Variants in GRIN2B observed in about 807,000 individuals in gnomAD.
The protein encoded by GRIN2B is glutamate ionotropic receptor NMDA type subunit 2B.
Under a neutral mutation model 114.5 loss-of-function variants are expected in GRIN2B, and 5 were observed. The ratio of observed to expected loss-of-function variants is 0.04; its 90% CI spans 0.02 to 0.09. GRIN2B has a LOEUF of 0.09. Among genes scored for constraint, GRIN2B ranks in the 10% least tolerant of loss-of-function variants. GRIN2B has a pLI of 1.00. For synonymous variants in GRIN2B, 787 were observed against 745.1 expected, an observed-to-expected ratio of 1.06 and a Z score of -0.92; for missense variants, 1,108 against 1,943.5, an observed-to-expected ratio of 0.57 and a Z score of 8.08.
intron 2 of GRIN2B, among the ~76,000 whole-genome samples, chr12:13,893,583 C>T (rs1591607145): frequency 1.3e-5 from 2 of 151,962 alleles, no homozygotes; most frequent in South Asian, 4.2e-4. Flanking sequence ...GACTTGAGAC[C>T]CCACAGTGAC....
rs7301328 is a variant in GRIN2B at position 13,865,843 on chromosome 12, G to C, written c.366C>G (p.Pro122=). The change falls in exon 3 of 14, where the codon CCC becomes CCG. Residue 122 remains proline (P), a synonymous_variant. Transcript: ENST00000609686. ...AGGAGCCCCCGTGGATGCCCAGGAT[G>C]GGGGTGAGAGTCTGTGCTGAAATGA... ...LDFISAQTLT[P]ILGIHGGSSM... The C allele has an allele frequency of 0.41, 660,033 of 1,612,878 alleles. 136,826 individuals are homozygous for C. The highest frequency in any genetic ancestry group is 0.49 in the South Asian group (45,039 of 91,022).
chr12:13,677,613 A>G (rs746725158), intron 4 of GRIN2B, among the ~76,000 whole-genome samples: 36 of 152,140 alleles, frequency 2.4e-4, no homozygotes, highest in Non-Finnish European at 4.4e-4. Flanking sequence ...CTTCCCTTCT[A>G]TATCATAATA....
chr12:13,742,383 T>C (rs1028570971), intron 4 of GRIN2B, among the ~76,000 whole-genome samples: 3 of 152,228 alleles, frequency 2.0e-5, no homozygotes, highest in African/African-American at 7.2e-5. Context: ...TATCTCAAAG[T>C]TGTCTACCAA....
At chr12:13,713,317 A>G (rs1005055169) in intron 4 of GRIN2B, among the ~76,000 whole-genome samples, 47 of 151,794 alleles carry the variant, frequency 3.1e-4, no homozygotes, top group African/African-American at 9.9e-4. Context: ...CTCCATTCCT[A>G]TTAGCCCTAA....
chr12:13,888,146 A>G (rs1264550577), intron 2 of GRIN2B, among the ~76,000 whole-genome samples: 1 of 152,206 alleles, frequency 6.6e-6, no homozygotes, highest in Non-Finnish European at 1.5e-5. Flanking sequence ...ACCCAAAAAA[A>G]TCAATATACG....
In GRIN2B at chr12:13,547,959, G is replaced by GTATATA. The variant is rs1555098068; in HGVS notation, c.*14818_*14823dup. The GTATATA allele has an allele frequency of 2.6e-3, 241 of 91,458 alleles. 4 individuals are homozygous for GTATATA. The highest frequency in any genetic ancestry group is 8.4e-3 in the African/African-American group (221 of 26,248). 5.7% of individuals were successfully genotyped at this position (91,458 alleles called of 1,614,324 possible). On this transcript the variant is annotated 3_prime_UTR_variant, in exon 14 of 14. Transcript: ENST00000609686. The stretch of plus-strand genomic sequence containing the variant: ...TATGTATGTATGTATGTATGTGTGT[G>GTATATA]TATATATATATATATATATATATTT...
intron 3 of GRIN2B, among the ~76,000 whole-genome samples, chr12:13,847,559 T>A (rs987130265): frequency 6.6e-6 from 1 of 152,038 alleles, no homozygotes; most frequent in South Asian, 2.1e-4. Flanking sequence ...AGCACGATGA[T>A]GGCTGCGTGT....
intron 2 of GRIN2B, among the ~76,000 whole-genome samples, chr12:13,962,695 A>G (rs1263509345): frequency 6.6e-6 from 1 of 152,162 alleles, no homozygotes; most frequent in Non-Finnish European, 1.5e-5. Context: ...CGTAACACCC[A>G]AGCAAGCCTT....
chr12:13,901,115 C>T (rs958894006), intron 2 of GRIN2B, among the ~76,000 whole-genome samples: 1 of 152,088 alleles, frequency 6.6e-6, no homozygotes, highest in African/African-American at 2.4e-5. Flanking sequence ...AGAAGTATTC[C>T]TCTTCTACAT....
chr12:13,738,732 TA>T lies in GRIN2B; in HGVS notation c.1010+14584del, dbSNP rs368006101. On this transcript the variant is annotated intron_variant, in intron 4 of 13. Coordinates refer to ENST00000609686, the MANE Select transcript of GRIN2B (RefSeq NM_000834.5). ...TTTTACCCTATTCTGATAACCGAGG[TA>T]AAAAAAAAATGACAGGAGACTGGAG... Among the ~76,000 whole-genome samples, 166 of 148,986 alleles carry T rather than the reference TA, an allele frequency of 1.1e-3. 2 individuals are homozygous for T. The East Asian group carries it at 0.024, about 22-fold the overall frequency.
In GRIN2B at chr12:13,554,539, C is replaced by A. The variant is rs891285604; in HGVS notation, c.*8244G>T. On this transcript the variant is annotated 3_prime_UTR_variant, in exon 14 of 14. Coordinates refer to ENST00000609686, the MANE Select transcript of GRIN2B (RefSeq NM_000834.5). The stretch of plus-strand genomic sequence containing the variant: ...TATTCAGCTTGTCTGGATTATGGGA[C>A]ACACACATAGTCAAGTAACAAGAAA... 2 of 152,106 alleles carry A rather than the reference C, an allele frequency of 1.3e-5. No homozygotes were observed. Among genetic ancestry groups the A allele is most frequent in the African/African-American group, 2.4e-5 (1 of 41,418 alleles). 9.4% of individuals were successfully genotyped at this position (152,106 alleles called of 1,614,324 possible).
In GRIN2B at chr12:13,559,990, G is replaced by A. The variant is rs1948521787; in HGVS notation, c.*2793C>T. On this transcript the variant is annotated 3_prime_UTR_variant, in exon 14 of 14. Transcript: ENST00000609686. ...CTTTCCTACCCTAGGTACTGACAGAGGAAATATGGTGCCACCAGCCTGTCT... is the reference window on the plus strand; with the variant it reads ...CTTTCCTACCCTAGGTACTGACAGAAGAAATATGGTGCCACCAGCCTGTCT... 1 of 152,168 alleles carries A rather than the reference G, an allele frequency of 6.6e-6. No homozygotes were observed. Among genetic ancestry groups the A allele is most frequent in the Non-Finnish European group, 1.5e-5 (1 of 68,034 alleles). The allele number at this position is 152,168 out of a possible 1,614,324, so 9.4% of individuals were successfully genotyped here. A position where few individuals can be genotyped will look rare whatever the true frequency, so the allele number is the denominator to read the frequency against.
At chr12:13,890,420 A>C (rs897958408) in intron 2 of GRIN2B, among the ~76,000 whole-genome samples, 1 of 152,256 alleles carries the variant, frequency 6.6e-6, no homozygotes, top group East Asian at 1.9e-4. Context: ...TGCAGAGCCT[A>C]AACAGCATCT....
chr12:13,888,586 T>C (rs1866205067), intron 2 of GRIN2B, among the ~76,000 whole-genome samples: 1 of 151,432 alleles, frequency 6.6e-6, no homozygotes, highest in South Asian at 2.1e-4. Flanking sequence ...ATACAAAAAT[T>C]AGCCGGGTGT....
At chr12:13,901,891 CTG>C (rs1437340747) in intron 2 of GRIN2B, among the ~76,000 whole-genome samples, 2 of 151,954 alleles carry the variant, frequency 1.3e-5, no homozygotes, top group African/African-American at 4.8e-5. Context: ...TTTGTATATG[CTG>C]TGAGGTGAGA....
intron 3 of GRIN2B, among the ~76,000 whole-genome samples, chr12:13,818,840 C>A (rs1864878128): frequency 6.6e-6 from 1 of 152,140 alleles, no homozygotes. Context: ...GCAGACAAAT[C>A]ATCATACAGG....
At position 13,538,979 on chromosome 12, in the gene GRIN2B, G is replaced by A. The variant is rs1006524108; in HGVS notation, c.*23804C>T. 1 of 151,370 alleles carries A rather than the reference G, an allele frequency of 6.6e-6. No individual in the cohort carries two copies. Among genetic ancestry groups the A allele is most frequent in the African/African-American group, 2.4e-5 (1 of 41,098 alleles). The allele number at this position is 151,370 out of a possible 1,614,324, so 9.4% of individuals were successfully genotyped here. Reference sequence around the variant, plus strand: ...AGATTATTGTTAAAGCAGTTCTGTTGTCCAAAAAAAATTTGGGGTTTAAGG... The same window carrying A: ...AGATTATTGTTAAAGCAGTTCTGTTATCCAAAAAAAATTTGGGGTTTAAGG... On this transcript the variant is annotated 3_prime_UTR_variant, in exon 14 of 14. Coordinates refer to ENST00000609686, the MANE Select transcript of GRIN2B (RefSeq NM_000834.5).
chr12:13,791,517 A>C (rs1284742878), intron 3 of GRIN2B, among the ~76,000 whole-genome samples: 2 of 152,172 alleles, frequency 1.3e-5, no homozygotes, highest in Non-Finnish European at 2.9e-5. Context: ...TTAATGACAG[A>C]AAGAACCACA....
chr12:13,896,484 A>G (rs1174670338), intron 2 of GRIN2B, among the ~76,000 whole-genome samples: 1 of 152,194 alleles, frequency 6.6e-6, no homozygotes, highest in Non-Finnish European at 1.5e-5. Flanking sequence ...CAAAAAATGG[A>G]CGATTAAAGG....
Sources: allele counts gnomAD v4.1 joint callset (sites outside exome capture counted in the v4.1 genomes callset), GRCh38; gene constraint gnomAD v4.1.1; transcripts MANE v1.5; gene names NCBI Gene and HGNC (gene_info 2026-07-23, HGNC 2026-07-21).